The following BICC1 variants were observed in gnomAD, a reference collection of about 807,000 sequenced individuals.
The protein encoded by BICC1 is BicC family RNA binding protein 1, also known as protein bicaudal C homolog 1.
A neutral mutation model predicts 111.0 loss-of-function variants in BICC1; 43 were observed. The ratio of observed to expected loss-of-function variants is 0.39; its 90% CI spans 0.30 to 0.50. The LOEUF (loss-of-function observed/expected upper bound fraction) is 0.50, where lower values mean the gene tolerates loss of function less well. Ranked by LOEUF, BICC1 falls within the 20% of genes least tolerant of loss-of-function variation. The pLI is 0.88. For missense variants in BICC1, 1,091 were observed against 1,203.2 expected (o/e 0.91, Z 1.38); for synonymous variants, 467 against 434.4 (o/e 1.07, Z -0.93).
At chr10:58,724,337 C>T (rs1174132759) in intron 3 of BICC1, among the ~76,000 whole-genome samples, 1 of 152,140 alleles carries the variant, frequency 6.6e-6, no homozygotes, top group Non-Finnish European at 1.5e-5. Context: ...AAACTATTCT[C>T]AGAGAAATTC....
At chr10:58,730,560 A>T (rs1262014032) in intron 3 of BICC1, among the ~76,000 whole-genome samples, 2 of 151,900 alleles carry the variant, frequency 1.3e-5, no homozygotes, top group Non-Finnish European at 2.9e-5. Context: ...TCTCCTCCAC[A>T]CTACCCTATT....
chr10:58,622,762 A>G (rs1845861109), intron 2 of BICC1, among the ~76,000 whole-genome samples: 2 of 152,340 alleles, frequency 1.3e-5, no homozygotes, highest in South Asian at 2.1e-4. Context: ...TGGTTCATCT[A>G]CAGTAGAATG....
At chr10:58,668,241 C>T (rs1364079453) in intron 2 of BICC1, among the ~76,000 whole-genome samples, 1 of 152,042 alleles carries the variant, frequency 6.6e-6, no homozygotes, top group Non-Finnish European at 1.5e-5. Flanking sequence ...GGGCCAGGTG[C>T]ACCAATTTAT....
At chr10:58,668,416 G>T (rs1166960875) in intron 2 of BICC1, among the ~76,000 whole-genome samples, 1 of 151,840 alleles carries the variant, frequency 6.6e-6, no homozygotes, top group African/African-American at 2.4e-5. Flanking sequence ...AATTCACAGT[G>T]CTCTGAATCT....
Position 58,644,496 on chromosome 10 carries a change from C to T in BICC1, c.237+23595C>T, listed in dbSNP as rs985260086. Among the ~76,000 whole-genome samples the T allele has an allele frequency of 3.9e-5, 6 of 152,126 alleles. No homozygotes were observed. In the East Asian group the frequency reaches 7.7e-4, roughly 20 times the overall value. The stretch of plus-strand genomic sequence containing the variant: ...ACAGAAACAGAACTCCACCCGTCCC[C>T]GTGCCTGGGAAGTCTCTGGTTTTTG... On this transcript the variant is annotated intron_variant, in intron 2 of 20. Coordinates refer to ENST00000373886, the MANE Select transcript of BICC1 (RefSeq NM_001080512.3).
At chr10:58,694,246 G>A (rs190105157) in intron 2 of BICC1, among the ~76,000 whole-genome samples, 7 of 152,060 alleles carry the variant, frequency 4.6e-5, no homozygotes, top group East Asian at 1.9e-4. Context: ...ACCCATTTTT[G>A]TAAAATGCCA....
chr10:58,605,357 A>G (rs933718265), intron 1 of BICC1, among the ~76,000 whole-genome samples: 6 of 152,112 alleles, frequency 3.9e-5, no homozygotes, highest in African/African-American at 1.4e-4. Context: ...CATTTTCGAA[A>G]TCTGTTTATT....
intron 3 of BICC1, among the ~76,000 whole-genome samples, chr10:58,723,858 T>G (rs893252762): frequency 1.3e-5 from 2 of 152,202 alleles, no homozygotes; most frequent in Non-Finnish European, 2.9e-5. Flanking sequence ...TATGGGTTGC[T>G]AATGTGTAAT....
chr10:58,648,444 T>C, intron 2 of BICC1: 3 of 918,652 alleles, frequency 3.3e-6, no homozygotes, highest in Non-Finnish European at 3.9e-6. Flanking sequence ...AAAAGGCATT[T>C]ATTATACACA....
intron 17 of BICC1, among the ~76,000 whole-genome samples, chr10:58,809,927 G>A (rs149870425): frequency 2.6e-5 from 4 of 152,192 alleles, no homozygotes; most frequent in African/African-American, 9.7e-5. Context: ...GTATGTAACT[G>A]ATCTAGAGCC....
intron 1 of BICC1, among the ~76,000 whole-genome samples, chr10:58,552,261 A>G (rs142652807): frequency 6.6e-6 from 1 of 152,252 alleles, no homozygotes; most frequent in East Asian, 1.9e-4. Flanking sequence ...ATACAGATTT[A>G]TAGTTGCACA....
intron 18 of BICC1, 154 bp downstream of exon 18, chr10:58,814,140 T>G: frequency 1.2e-6 from 1 of 853,516 alleles, no homozygotes; most frequent in East Asian, 2.6e-5. Context: ...TTTCTCCCAG[T>G]GAAGCAGGCC....
intron 1 of BICC1, among the ~76,000 whole-genome samples, chr10:58,589,407 G>A (rs1844531364): frequency 6.6e-6 from 1 of 151,856 alleles, no homozygotes; most frequent in Admixed American, 6.6e-5. Context: ...GCTCAAAATT[G>A]TACAGCTGGC....
intron 1 of BICC1, among the ~76,000 whole-genome samples, chr10:58,542,575 C>T (rs916035039): frequency 2.6e-5 from 4 of 152,040 alleles, no homozygotes; most frequent in African/African-American, 9.7e-5. Context: ...AGTGAAAAGG[C>T]AGTCTACGTA....
chr10:58,672,135 G>T (rs1839203197), intron 2 of BICC1, among the ~76,000 whole-genome samples: 1 of 152,158 alleles, frequency 6.6e-6, no homozygotes, highest in Admixed American at 6.6e-5. Flanking sequence ...GTACATTTCA[G>T]TGGCATTGAG....
chr10:58,800,808 G>A (rs765034264), intron 13 of BICC1, 82 bp from the exon 14 acceptor site: 2 of 1,376,744 alleles, frequency 1.5e-6, no homozygotes, highest in Non-Finnish European at 2.0e-6. Flanking sequence ...GTAGGGTTCT[G>A]ATTTGTTTCC....
chr10:58,612,748 T>G (rs1000555443), intron 1 of BICC1, among the ~76,000 whole-genome samples: 4 of 152,228 alleles, frequency 2.6e-5, no homozygotes, highest in Non-Finnish European at 5.9e-5. Flanking sequence ...AGGTAATGTT[T>G]AAAGATGTTT....
chr10:58,729,398 T>G (rs1414964029), intron 3 of BICC1, among the ~76,000 whole-genome samples: 1 of 152,238 alleles, frequency 6.6e-6, no homozygotes, highest in Non-Finnish European at 1.5e-5. Flanking sequence ...TTTTCTTCTT[T>G]AGCTTCCTTA....
At chr10:58,616,033 A>G (rs1188061445) in intron 1 of BICC1, among the ~76,000 whole-genome samples, 2 of 152,142 alleles carry the variant, frequency 1.3e-5, no homozygotes, top group African/African-American at 4.8e-5. Flanking sequence ...AGGCCTGGCT[A>G]CACAGCTCAG....
Sources: allele counts gnomAD v4.1 joint callset (sites outside exome capture counted in the v4.1 genomes callset), GRCh38; gene constraint gnomAD v4.1.1; transcripts MANE v1.5; gene names NCBI Gene and HGNC (gene_info 2026-07-23, HGNC 2026-07-21).